The following TTC39C variants were observed in gnomAD, a reference collection of about 807,000 sequenced individuals.
TTC39C encodes the protein tetratricopeptide repeat domain 39C.
TTC39C carries 33 observed loss-of-function variants against 76.3 expected under a neutral mutation model. That is an observed-to-expected ratio of 0.43 (90% CI 0.33 to 0.58). The LOEUF is 0.58. Ranked by LOEUF, TTC39C falls within the 20% of genes least tolerant of loss-of-function variation. TTC39C has a pLI of 0.04. For synonymous variants in TTC39C, 254 were observed against 260.6 expected (o/e 0.97, Z 0.24); for missense variants, 595 against 701.4 (o/e 0.85, Z 1.71).
chr18:24,046,981 T>C (rs1405769103), intron 1 of TTC39C, among the ~76,000 whole-genome samples: 2 of 151,962 alleles, frequency 1.3e-5, no homozygotes, highest in Non-Finnish European at 2.9e-5. Flanking sequence ...TCCCTAAATA[T>C]CAGCTCTGTA....
upstream of TTC39C, among the ~76,000 whole-genome samples, chr18:24,013,945 G>A (rs1350071184): frequency 6.6e-6 from 1 of 152,264 alleles, no homozygotes. Flanking sequence ...CACTTTGGCA[G>A]CTGAATTTAT....
At chr18:24,022,970 C>G (rs2083535009) in intron 1 of TTC39C, 1 of 754,270 alleles carries the variant, frequency 1.3e-6, no homozygotes, top group South Asian at 5.9e-5. Context: ...AAATTGTTTA[C>G]ACATCTGCCT....
intron 1 of TTC39C, chr18:24,006,470 C>T (rs2083353120): frequency 6.6e-6 from 1 of 151,116 alleles, no homozygotes; most frequent in South Asian, 2.1e-4. Context: ...TAAGTATCTT[C>T]GGTTGGGGTA....
At chr18:24,005,407 C>T (rs2083344233) in intron 1 of TTC39C, among the ~76,000 whole-genome samples, 2 of 151,700 alleles carry the variant, frequency 1.3e-5, no homozygotes, top group Admixed American at 6.6e-5. Context: ...ATTTTTTTTG[C>T]CCCAGGTATA....
At chr18:24,039,926 G>A (rs1037769384) in intron 1 of TTC39C, among the ~76,000 whole-genome samples, 1 of 152,192 alleles carries the variant, frequency 6.6e-6, no homozygotes, top group Non-Finnish European at 1.5e-5. Flanking sequence ...CAGAGCAAGA[G>A]AGGGAATACA....
At chr18:24,101,345 C>T (rs537202026) in intron 6 of TTC39C, among the ~76,000 whole-genome samples, 6 of 150,680 alleles carry the variant, frequency 4.0e-5, no homozygotes, top group Non-Finnish European at 5.9e-5. Flanking sequence ...CTGTGGCTCA[C>T]GCCTGTAATC....
chr18:24,129,697 C>T (rs924018881), intron 11 of TTC39C, among the ~76,000 whole-genome samples: 15 of 151,224 alleles, frequency 9.9e-5, no homozygotes, highest in Admixed American at 9.9e-4. Context: ...TTGCTTGAAC[C>T]CAGGAGGCAG....
chr18:24,065,002 G>T (rs7234741), intron 2 of TTC39C, among the ~76,000 whole-genome samples: 19,631 of 152,210 alleles, frequency 0.13, 1,422 homozygotes, highest in Middle Eastern at 0.22. Flanking sequence ...AAGGAAAATG[G>T]TACTGGGTGG....
At chr18:24,075,849 T>G (rs1014908308) in intron 4 of TTC39C, among the ~76,000 whole-genome samples, 13 of 152,144 alleles carry the variant, frequency 8.5e-5, no homozygotes, top group African/African-American at 3.1e-4. Context: ...ATTACAAAAT[T>G]TATCCAAGAT....
At chr18:24,127,111 G>C (rs1369492193) in intron 10 of TTC39C, among the ~76,000 whole-genome samples, 1 of 152,160 alleles carries the variant, frequency 6.6e-6, no homozygotes, top group African/African-American at 2.4e-5. Context: ...GTGCCTGGAA[G>C]GGAAGACAGA....
At chr18:24,118,346 C>A in intron 8 of TTC39C, 114 bp downstream of exon 8, 2 of 690,936 alleles carry the variant, frequency 2.9e-6, no homozygotes, top group Non-Finnish European at 4.9e-6. Context: ...CCCTCCACAG[C>A]CTTCCCCAGC....
At chr18:24,116,551 A>G (rs965328230) in intron 7 of TTC39C, among the ~76,000 whole-genome samples, 3 of 152,148 alleles carry the variant, frequency 2.0e-5, no homozygotes, top group African/African-American at 7.2e-5. Context: ...TGTTTCCAAA[A>G]AAAGCCCAAA....
chr18:24,029,361 T>C (rs1206929131), intron 1 of TTC39C, among the ~76,000 whole-genome samples: 1 of 152,168 alleles, frequency 6.6e-6, no homozygotes, highest in Non-Finnish European at 1.5e-5. Flanking sequence ...CTTGGCTTCT[T>C]AAAGTGCTGG....
intron 1 of TTC39C, among the ~76,000 whole-genome samples, chr18:24,047,646 T>G (rs1217418365): frequency 6.6e-6 from 1 of 152,136 alleles, no homozygotes; most frequent in Non-Finnish European, 1.5e-5. Flanking sequence ...GGAAAGCAGA[T>G]GACATACAGA....
chr18:24,103,773 A>AC (rs1250174680), intron 6 of TTC39C, among the ~76,000 whole-genome samples: 1 of 137,236 alleles, frequency 7.3e-6, no homozygotes, highest in Non-Finnish European at 1.5e-5. Context: ...CATCATCCTG[A>AC]CTCCCTGCTT....
chr18:24,087,938 C>T (rs2084466040), intron 6 of TTC39C, among the ~76,000 whole-genome samples: 1 of 152,090 alleles, frequency 6.6e-6, no homozygotes, highest in Non-Finnish European at 1.5e-5. Context: ...CAGGACTGGC[C>T]CTCAATGTAT....
In TTC39C at chr18:24,114,548, C is replaced by G. The variant is rs536619323; in HGVS notation, c.985-6C>G. 46 of 1,611,090 alleles carry G rather than the reference C, an allele frequency of 2.9e-5. 1 individual carries two copies. In the South Asian group the frequency reaches 4.2e-4, roughly 15 times the overall value. ...GCTGGTAATTCTGTTTTCCTTTTCTCCTTAGTGTCAAATCAACAGTGCCTT... is the reference window on the plus strand; with the variant it reads ...GCTGGTAATTCTGTTTTCCTTTTCTGCTTAGTGTCAAATCAACAGTGCCTT... On this transcript the variant is annotated splice_polypyrimidine_tract_variant and splice_region_variant and intron_variant, in intron 6 of 13. Coordinates refer to ENST00000317571, the MANE Select transcript of TTC39C (RefSeq NM_001135993.2).
intron 6 of TTC39C, among the ~76,000 whole-genome samples, chr18:24,097,829 C>A (rs896778840): frequency 6.6e-6 from 1 of 152,076 alleles, no homozygotes. Flanking sequence ...CATTTAAATG[C>A]AGAATTTATG....
At chr18:24,027,806 C>T (rs769577279) in intron 1 of TTC39C, among the ~76,000 whole-genome samples, 1 of 152,050 alleles carries the variant, frequency 6.6e-6, no homozygotes, top group Non-Finnish European at 1.5e-5. Context: ...GCAGTCCTCC[C>T]ACCTCAGCCT....
Sources: gnomAD v4.1 joint callset for allele counts (sites outside exome capture counted in the v4.1 genomes callset) on GRCh38, gnomAD v4.1.1 for gene constraint, MANE v1.5 for transcripts, NCBI Gene and HGNC (gene_info 2026-07-23, HGNC 2026-07-21) for gene names.